The following CACNA1S variants were observed in gnomAD, a reference collection of about 807,000 sequenced individuals.
The protein encoded by CACNA1S is voltage-dependent L-type calcium channel subunit alpha-1S.
CACNA1S carries 126 observed loss-of-function variants against 207.4 expected under a neutral mutation model. That is an observed-to-expected ratio of 0.61 (90% CI 0.53 to 0.70). The LOEUF is 0.70. Among genes scored for constraint, CACNA1S ranks in the 30% least tolerant of loss-of-function variants. The pLI is 0.00. For synonymous variants in CACNA1S, 960 were observed against 932.7 expected, an observed-to-expected ratio of 1.03 and a Z score of -0.53; for missense variants, 2,349 against 2,422.8, an observed-to-expected ratio of 0.97 and a Z score of 0.64.
At chr1:201,085,701 C>A in intron 7 of CACNA1S, 120 bp from the exon 8 acceptor site, 2 of 1,191,588 alleles carry the variant, frequency 1.7e-6, no homozygotes, top group East Asian at 2.5e-5. Context: ...TTTCTGGCCC[C>A]GGGGTGTTGC....
chr1:201,069,556 G>T lies in CACNA1S; in HGVS notation c.2406C>A (p.Thr802=). The T allele has an allele frequency of 6.4e-7, 1 of 1,573,698 alleles. No homozygotes were observed. The highest frequency in any genetic ancestry group is 8.6e-7 in the Non-Finnish European group (1 of 1,159,728). The change falls in exon 18 of 44, where the codon ACC becomes ACA. Residue 802 remains threonine, a synonymous_variant. Transcript: ENST00000362061. ...GCAGGATGAAGAGCAGGATGAAGTT[G>T]GTAAACCAGGTGGCATTGACGATGC... ...CHRIVNATWF[T]NFILLFILLS... is the part of the protein sequence containing the mutation.
Position 201,069,580 on chromosome 1 carries a change from G to A in CACNA1S, c.2382C>T (p.Arg794=), listed in dbSNP as rs2102131408. ...PTNKIRVLCH[R]IVNATWFTNF... ...TGGTAAACCAGGTGGCATTGACGAT[G>A]CGGTGACACAGGACACGGATCCTGG... is the stretch of plus-strand genomic sequence containing the variant. Residue 794 remains arginine (R), a synonymous_variant, in exon 18 of 44, where the codon CGC becomes CGT. Transcript: ENST00000362061. The A allele has an allele frequency of 6.4e-7, 1 of 1,560,294 alleles. No individual in the cohort carries two copies. Among genetic ancestry groups the A allele is most frequent in the African/African-American group, 1.3e-5 (1 of 74,154 alleles).
chr1:201,054,638 A>G (rs1660772823), intron 28 of CACNA1S, 77 bp from the exon 29 acceptor site: 1 of 1,178,204 alleles, frequency 8.5e-7, no homozygotes, highest in South Asian at 1.3e-5. Flanking sequence ...AGGTGAAGAG[A>G]CGTGTCAGAA....
chr1:201,060,750 G>T lies in CACNA1S; in HGVS notation c.3322C>A (p.Gln1108Lys). The T allele has an allele frequency of 6.2e-7, 1 of 1,614,180 alleles. No homozygotes were observed. The highest frequency in any genetic ancestry group is 8.5e-7 in the Non-Finnish European group (1 of 1,180,014). ...LRCYIPKNPYQYQVWYIVTSS... is the reference protein window; with the variant it reads ...LRCYIPKNPYKYQVWYIVTSS... ...GTGACAATGTACCACACCTGGTACT[G>T]GTATGGGTTTTTGGGAATGTAGCAC... The change falls in exon 26 of 44, where the codon CAG (glutamine) becomes AAG (lysine). Residue 1108 changes from glutamine to lysine, a missense_variant. By Grantham distance (53) the Gln-to-Lys change is moderately conservative. Transcript: ENST00000362061.
intron 1 of CACNA1S, 22 bp downstream of exon 1, chr1:201,112,166 C>T (rs372300255): frequency 1.6e-5 from 26 of 1,604,064 alleles, no homozygotes; most frequent in South Asian, 6.6e-5. Context: ...CCCCCCCCCA[C>T]GGCCCGGGCC....
intron 24 of CACNA1S, 29 bp downstream of exon 24, chr1:201,061,915 G>T: frequency 6.2e-7 from 1 of 1,613,686 alleles, no homozygotes. Flanking sequence ...CCATGTCCAT[G>T]AGGGACCTAG....
intron 22 of CACNA1S, among the ~76,000 whole-genome samples, chr1:201,064,058 G>A (rs1661156197): frequency 6.6e-6 from 1 of 152,206 alleles, no homozygotes; most frequent in African/African-American, 2.4e-5. Flanking sequence ...CGAGAGTTGG[G>A]TGTTGACAAG....
rs368885124 is a variant in CACNA1S, at chr1:201,053,592, G to C, written c.3667-5C>G. ...GCGGGCACTCTCATCTGGGTCCTGCGGGGCAGCAGCCCCAGAGGTCAGTCT... is the reference window on the plus strand; with the variant it reads ...GCGGGCACTCTCATCTGGGTCCTGCCGGGCAGCAGCCCCAGAGGTCAGTCT... On this transcript the variant is annotated splice_region_variant and splice_polypyrimidine_tract_variant and intron_variant, in intron 29 of 43. Coordinates refer to ENST00000362061, the MANE Select transcript of CACNA1S (RefSeq NM_000069.3). This position sits in a 1 kb window ranked among gnomAD's most constrained non-coding sequence, Gnocchi z 5.1. The C allele has an allele frequency of 3.1e-6, 5 of 1,613,522 alleles. No individual in the cohort carries two copies. The African/African-American group carries it at 5.3e-5, about 17-fold the overall frequency.
intron 32 of CACNA1S, among the ~76,000 whole-genome samples, chr1:201,052,098 G>A (rs921612594): frequency 5.9e-5 from 9 of 152,142 alleles, no homozygotes; most frequent in African/African-American, 2.2e-4. Flanking sequence ...CAGGATCCTC[G>A]GTTGCAATCC....
At position 201,054,986 on chromosome 1, in the gene CACNA1S, G is replaced by A. The variant is rs192324047; in HGVS notation, c.3610-425C>T. On this transcript the variant is annotated intron_variant, in intron 28 of 43. Transcript: ENST00000362061. ...CCATAGTGCCCTGAGGCCAGGGTCC[G>A]GGCCCCTGTGGAAGTCCCATCTCCC... Among the ~76,000 whole-genome samples, 8 of 152,220 alleles carry A rather than the reference G, an allele frequency of 5.3e-5. No homozygotes were observed. In the East Asian group the frequency reaches 7.7e-4, roughly 15 times the overall value.
chr1:201,105,969 C>G (rs1425291002), intron 2 of CACNA1S, among the ~76,000 whole-genome samples: 1 of 152,206 alleles, frequency 6.6e-6, no homozygotes, highest in Middle Eastern at 3.2e-3. Flanking sequence ...GTGAGGAAAC[C>G]TCTGTCATAA....
chr1:201,040,262 G>A lies in CACNA1S; in HGVS notation c.5339C>T (p.Ser1780Leu). Reference sequence around the variant, plus strand: ...GATCAGCAGGGCTGTAGCTGGTGCTGAGCACCTGGAAGTATTCTCCCTGGT... The same window carrying A: ...GATCAGCAGGGCTGTAGCTGGTGCTAAGCACCTGGAAGTATTCTCCCTGGT... The part of the protein sequence containing the change: ...RSTRENTSRC[S>L]APATALLIQK... Residue 1780 changes from serine (S) to leucine (L), a missense_variant, in exon 43 of 44, where the codon TCA (serine) becomes TTA (leucine). Transcript: ENST00000362061. The A allele has an allele frequency of 3.1e-6, 5 of 1,613,752 alleles. No individual in the cohort carries two copies. Among genetic ancestry groups the A allele is most frequent in the Non-Finnish European group, 4.2e-6 (5 of 1,179,984 alleles).
chr1:201,040,345 C>T lies in CACNA1S; in HGVS notation c.5256G>A (p.Glu1752=), dbSNP rs1167317929. 12 of 1,613,688 alleles carry T rather than the reference C, an allele frequency of 7.4e-6. No individual in the cohort carries two copies. Among genetic ancestry groups the T allele is most frequent in the East Asian group, 4.5e-5 (2 of 44,884 alleles). Residue 1752 remains glutamate, a synonymous_variant, in exon 43 of 44, where the codon GAG becomes GAA. Transcript: ENST00000362061. The part of the protein sequence containing the change: ...QCPRVESSMP[E]DRKSSTPGSL... ...ACCCTGGTGTGGAGCTCTTTCTGTCCTCAGGCATGGAGGACTCCACCCTGG... is the reference window on the plus strand; with the variant it reads ...ACCCTGGTGTGGAGCTCTTTCTGTCTTCAGGCATGGAGGACTCCACCCTGG...
In CACNA1S at chr1:201,075,584, A is replaced by C; in HGVS notation, c.1859T>G (p.Met620Arg). The part of the protein sequence containing the change: ...VLTGEDWTSM[M>R]YNGIMAYGGP... ...GCCGTAGGCCATGATCCCATTGTAC[A>C]TCATTGAGGTCCAGTCTTCCCCTGT... The change falls in exon 13 of 44, where the codon ATG becomes AGG. Residue 620 changes from methionine (M) to arginine (R), a missense_variant. Coordinates refer to ENST00000362061, the MANE Select transcript of CACNA1S (RefSeq NM_000069.3). 1 of 1,614,072 alleles carries C rather than the reference A, an allele frequency of 6.2e-7. No homozygotes were observed. Among genetic ancestry groups the C allele is most frequent in the African/African-American group, 1.3e-5 (1 of 75,032 alleles).
chr1:201,050,658 A>G, intron 33 of CACNA1S, 142 bp from the exon 34 acceptor site: 1 of 871,858 alleles, frequency 1.1e-6, no homozygotes, highest in Admixed American at 2.0e-5. Context: ...CACCCACATC[A>G]CACACACAGC....
At chr1:201,089,162 T>C (rs1266675038) in intron 6 of CACNA1S, 96 bp downstream of exon 6, 2 of 1,137,308 alleles carry the variant, frequency 1.8e-6, no homozygotes, top group Non-Finnish European at 2.6e-6. Flanking sequence ...AGTCAGAGAC[T>C]GGCCTCCTGT....
At chr1:201,054,786 G>A (rs1039721430) in intron 28 of CACNA1S, among the ~76,000 whole-genome samples, 1 of 152,190 alleles carries the variant, frequency 6.6e-6, no homozygotes, top group Non-Finnish European at 1.5e-5. Flanking sequence ...TGGGGGACAA[G>A]GAAATAAGAA....
intron 2 of CACNA1S, among the ~76,000 whole-genome samples, chr1:201,098,040 C>A (rs1405703635): frequency 2.0e-5 from 3 of 152,140 alleles, no homozygotes; most frequent in African/African-American, 7.2e-5. Flanking sequence ...ATCTTCTTAG[C>A]CTGATTTGTT....
At chr1:201,049,560 A>G (rs1455632600) in intron 34 of CACNA1S, among the ~76,000 whole-genome samples, 1 of 152,168 alleles carries the variant, frequency 6.6e-6, no homozygotes, top group Non-Finnish European at 1.5e-5. Context: ...CAGAACAACC[A>G]GGGAGGTCAG....
Sources: allele counts gnomAD v4.1 joint callset (sites outside exome capture counted in the v4.1 genomes callset), GRCh38; gene constraint gnomAD v4.1.1; non-coding constraint Gnocchi (gnomAD v3.1); transcripts MANE v1.5; gene names NCBI Gene and HGNC (gene_info 2026-07-23, HGNC 2026-07-21).